Variants in DPP10 observed in about 807,000 individuals in gnomAD.
DPP10 encodes the protein inactive dipeptidyl peptidase 10.
In DPP10, 33 loss-of-function variants were observed where a neutral mutation model predicts 120.9. The observed-to-expected ratio is 0.27, with a 90% CI of 0.21 to 0.37. The LOEUF (loss-of-function observed/expected upper bound fraction) is 0.37. Among genes scored for constraint, DPP10 ranks in the 10% least tolerant of loss-of-function variants. The pLI, the probability that DPP10 is intolerant of heterozygous loss-of-function variation, is 1.00. For missense variants in DPP10, 816 were observed against 942.8 expected (o/e 0.87, Z 1.76); for synonymous variants, 337 against 326.1 (o/e 1.03, Z -0.36).
intron 1 of DPP10, among the ~76,000 whole-genome samples, chr2:114,652,296 A>G (rs1379069557): frequency 6.6e-6 from 1 of 152,210 alleles, no homozygotes; most frequent in African/African-American, 2.4e-5. Context: ...CTAATTAAGG[A>G]GGCAGGCACA....
At position 115,315,953 on chromosome 2, in the gene DPP10, A is replaced by G. The variant is rs189123791; in HGVS notation, c.175+6600A>G. Among the ~76,000 whole-genome samples the G allele has an allele frequency of 7.9e-5, 12 of 152,214 alleles. 1 individual carries two copies. Among genetic ancestry groups the G allele is most frequent in the African/African-American group, 2.9e-4 (12 of 41,558 alleles). ...ACAGTTACTTTTTTGTCTTTCCTTT[A>G]TAGTTTCATTTCTATATTTAAGCCA... On this transcript the variant is annotated intron_variant, in intron 2 of 25. Transcript: ENST00000410059.
At chr2:114,710,195 C>T (rs1010705756) in intron 1 of DPP10, among the ~76,000 whole-genome samples, 4 of 152,202 alleles carry the variant, frequency 2.6e-5, no homozygotes, top group African/African-American at 9.6e-5. Context: ...TTAGCACATA[C>T]CTATGCTTAA....
intron 19 of DPP10, among the ~76,000 whole-genome samples, chr2:115,803,558 A>G (rs188470191): frequency 6.6e-5 from 10 of 152,302 alleles, no homozygotes; most frequent in Middle Eastern, 3.4e-3. Context: ...ATGTTTTTGC[A>G]GTGGCTGGTA....
chr2:114,926,192 C>A (rs1695606416), intron 1 of DPP10, among the ~76,000 whole-genome samples: 1 of 152,022 alleles, frequency 6.6e-6, no homozygotes, highest in Admixed American at 6.6e-5. Context: ...TGCCTTTATA[C>A]CATTTAAGGG....
At chr2:115,647,952 C>G (rs893640246) in intron 5 of DPP10, among the ~76,000 whole-genome samples, 1 of 152,170 alleles carries the variant, frequency 6.6e-6, no homozygotes, top group African/African-American at 2.4e-5. Context: ...CAAACACATT[C>G]AAACCATAGA....
At chr2:115,247,806 C>T (rs143754773) in intron 1 of DPP10, among the ~76,000 whole-genome samples, 48 of 152,154 alleles carry the variant, frequency 3.2e-4, no homozygotes, top group Non-Finnish European at 5.6e-4. Context: ...TAAAACACCC[C>T]GTGAAAGATT....
At chr2:115,607,374 T>C (rs2083769438) in intron 5 of DPP10, among the ~76,000 whole-genome samples, 1 of 152,178 alleles carries the variant, frequency 6.6e-6, no homozygotes. Context: ...AAAGGGAACA[T>C]ATGAAAGCAC....
chr2:114,586,097 A>T (rs973431602), intron 1 of DPP10, among the ~76,000 whole-genome samples: 55 of 152,262 alleles, frequency 3.6e-4, no homozygotes, highest in African/African-American at 1.3e-3. Flanking sequence ...TAAATACAAA[A>T]TTAATTAGCT....
intron 1 of DPP10, among the ~76,000 whole-genome samples, chr2:114,726,795 A>C (rs1417657934): frequency 6.6e-6 from 1 of 152,240 alleles, no homozygotes; most frequent in African/African-American, 2.4e-5. Context: ...AATTGCAAGG[A>C]TAAGCTCATT....
intron 1 of DPP10, among the ~76,000 whole-genome samples, chr2:114,768,956 C>T (rs773226717): frequency 2.6e-5 from 4 of 152,048 alleles, no homozygotes; most frequent in Non-Finnish European, 5.9e-5. Context: ...CATTATAAGG[C>T]ACTTTAGAAG....
chr2:115,527,992 A>C (rs2078233305), intron 5 of DPP10, among the ~76,000 whole-genome samples: 1 of 152,252 alleles, frequency 6.6e-6, no homozygotes, highest in African/African-American at 2.4e-5. Context: ...GTTGGTTCCA[A>C]GTCTTTGCTA....
At chr2:115,617,225 T>C (rs1444949376) in intron 5 of DPP10, among the ~76,000 whole-genome samples, 2 of 147,040 alleles carry the variant, frequency 1.4e-5, no homozygotes, top group Non-Finnish European at 3.0e-5. Context: ...CTTAAAACCA[T>C]GGATAGTACC....
At chr2:115,116,162 G>A (rs12464801) in intron 1 of DPP10, among the ~76,000 whole-genome samples, 37,317 of 151,780 alleles carry the variant, frequency 0.25, 4,953 homozygotes, top group East Asian at 0.31. Flanking sequence ...TTTTCCCAAA[G>A]ACACTTACAC....
At chr2:115,125,655 G>T (rs188853208) in intron 1 of DPP10, among the ~76,000 whole-genome samples, 2 of 145,884 alleles carry the variant, frequency 1.4e-5, no homozygotes, top group African/African-American at 2.5e-5. Context: ...TACGGCAAGC[G>T]CCTCCTCCCG....
chr2:115,797,939 A>T (rs749866533), intron 19 of DPP10, among the ~76,000 whole-genome samples: 4 of 137,958 alleles, frequency 2.9e-5, no homozygotes, highest in African/African-American at 5.3e-5. Context: ...ATATATGTGT[A>T]TATATGTGTG....
At chr2:114,729,249 G>C (rs1676653398) in intron 1 of DPP10, among the ~76,000 whole-genome samples, 1 of 152,202 alleles carries the variant, frequency 6.6e-6, no homozygotes, top group African/African-American at 2.4e-5. Context: ...AAAATCAGAA[G>C]GTGGCAGCAC....
At position 115,672,542 on chromosome 2, in the gene DPP10, T is replaced by C. The variant is rs147845646; in HGVS notation, c.442-17145T>C. On this transcript the variant is annotated intron_variant, in intron 5 of 25. Coordinates refer to ENST00000410059, the MANE Select transcript of DPP10 (RefSeq NM_020868.6). ...AAAATGATGCACAGTTAAAAGAGAC[T>C]AACTACAACATTTAAAAATTTTTAT... Among the ~76,000 whole-genome samples, 165 of 152,298 alleles carry C rather than the reference T, an allele frequency of 1.1e-3. 2 individuals are homozygous for C. Among genetic ancestry groups the C allele is most frequent in the Middle Eastern group, 3.4e-3 (1 of 294 alleles).
At chr2:115,446,878 G>T (rs909599349) in intron 3 of DPP10, among the ~76,000 whole-genome samples, 8 of 152,262 alleles carry the variant, frequency 5.3e-5, no homozygotes, top group South Asian at 2.1e-4. Context: ...CTGGCTGCTT[G>T]TTGTTAAAAG....
chr2:114,715,177 C>G (rs1454451047), intron 1 of DPP10, among the ~76,000 whole-genome samples: 1 of 152,096 alleles, frequency 6.6e-6, no homozygotes, highest in African/African-American at 2.4e-5. Context: ...CCTGATCCCA[C>G]TTGAAATTAA....
Sources: allele counts gnomAD v4.1 joint callset (sites outside exome capture counted in the v4.1 genomes callset), GRCh38; gene constraint gnomAD v4.1.1; transcripts MANE v1.5; gene names NCBI Gene and HGNC (gene_info 2026-07-23, HGNC 2026-07-21).